ABHD12: variants seen among roughly 807,000 people sequenced by gnomAD.
ABHD12 encodes abhydrolase domain containing 12, lysophospholipase.
Under a neutral mutation model 58.3 loss-of-function variants are expected in ABHD12, and 43 were observed. The observed-to-expected ratio is 0.74, with a 90% confidence interval of 0.58 to 0.95. ABHD12 has a LOEUF of 0.95. Among genes scored for constraint, ABHD12 ranks in the 40% least tolerant of loss-of-function variants. The pLI is 0.00. For missense variants in ABHD12, 539 were observed against 537.2 expected, an observed-to-expected ratio of 1.00 and a Z score of -0.03; for synonymous variants, 219 against 211.2, an observed-to-expected ratio of 1.04 and a Z score of -0.32.
At chr20:25,388,619 CT>C (rs2090126279) in intron 1 of ABHD12, among the ~76,000 whole-genome samples, 1 of 152,120 alleles carries the variant, frequency 6.6e-6, no homozygotes, top group South Asian at 2.1e-4. Context: ...CTTTTTACCC[CT>C]AACAGCCTTT....
rs546377204 is a variant in ABHD12 at position 25,353,360 on chromosome 20, C to CA, written c.192-14010dup. ...TATCTGTAAATGAAAGTAAATAACT[C>CA]AAACAAAAAATTTAAAGAATAAGCA... On this transcript the variant is annotated intron_variant, in intron 1 of 12. Coordinates refer to ENST00000339157, the MANE Select transcript of ABHD12 (RefSeq NM_001042472.3). Among the ~76,000 whole-genome samples, 4 of 151,378 alleles carry CA rather than the reference C, an allele frequency of 2.6e-5. No homozygotes were observed. In the South Asian group the frequency reaches 8.3e-4, roughly 32 times the overall value.
intron 3 of ABHD12, among the ~76,000 whole-genome samples, chr20:25,322,381 A>ATATATATATATATATATTTT: frequency 2.4e-4 from 14 of 59,266 alleles, no homozygotes; most frequent in African/African-American, 9.1e-4. Flanking sequence ...ATATATATAT[A>ATATATATATATATATATTTT]TTTTTTTTTT....
intron 1 of ABHD12, among the ~76,000 whole-genome samples, chr20:25,386,056 G>A (rs1317042603): frequency 1.3e-5 from 2 of 151,564 alleles, no homozygotes; most frequent in Admixed American, 6.6e-5. Context: ...AGCCAAGATC[G>A]CGCCACTGCA....
In ABHD12 at chr20:25,324,086, A is replaced by G. The variant is rs540155946; in HGVS notation, c.317-656T>C. 2.6e-4 allele frequency among the ~76,000 whole-genome samples: 40 copies of G among 152,318 alleles called. 1 individual carries two copies. In the East Asian group the frequency reaches 7.3e-3, roughly 28 times the overall value. ...TGCAATGGCCCAGCAGAAGTCCTGCATCTACCAGGTCATCTGCCAGCAGGA... is the reference window on the plus strand; with the variant it reads ...TGCAATGGCCCAGCAGAAGTCCTGCGTCTACCAGGTCATCTGCCAGCAGGA... On this transcript the variant is annotated intron_variant, in intron 2 of 12. Transcript: ENST00000339157.
intron 1 of ABHD12, among the ~76,000 whole-genome samples, chr20:25,367,364 CAT>C (rs2089836951): frequency 1.3e-5 from 2 of 152,296 alleles, no homozygotes; most frequent in South Asian, 4.1e-4. Context: ...GAATTTGCCA[CAT>C]ATACTTCAGC....
intron 1 of ABHD12, among the ~76,000 whole-genome samples, chr20:25,353,375 A>G (rs1357736077): frequency 6.6e-6 from 1 of 152,204 alleles, no homozygotes; most frequent in Non-Finnish European, 1.5e-5. Flanking sequence ...AAAAAATTTA[A>G]AGAATAAGCA....
intron 1 of ABHD12, among the ~76,000 whole-genome samples, chr20:25,373,593 A>T (rs1034791213): frequency 6.6e-6 from 1 of 151,652 alleles, no homozygotes; most frequent in South Asian, 2.1e-4. Context: ...CTGAATTCTT[A>T]CTTACTTTTC....
intron 1 of ABHD12, among the ~76,000 whole-genome samples, chr20:25,388,507 C>G (rs2090124796): frequency 6.6e-6 from 1 of 152,138 alleles, no homozygotes; most frequent in South Asian, 2.1e-4. Flanking sequence ...GATGGTGGCG[C>G]AGAGCCTGAG....
chr20:25,390,746 T>TCC lies in ABHD12; in HGVS notation c.-44_-43insGG, dbSNP rs1555828016. 7 of 1,223,320 alleles carry TCC rather than the reference T, an allele frequency of 5.7e-6. No individual in the cohort carries two copies. Among genetic ancestry groups the TCC allele is most frequent in the South Asian group, 2.8e-5 (1 of 36,304 alleles). The allele number at this position is 1,223,320 out of a possible 1,614,324, so 75.8% of individuals were successfully genotyped here. ...CAGCCGCCGACGGCGCCCGCTGGCC[T>TCC]GCGCCGCAGTGCCGCCGCTCACAGC... On this transcript the variant is annotated 5_prime_UTR_variant, in exon 1 of 13. Transcript: ENST00000339157.
At chr20:25,331,343 A>G (rs987133716) in intron 2 of ABHD12, among the ~76,000 whole-genome samples, 9 of 152,356 alleles carry the variant, frequency 5.9e-5, no homozygotes, top group African/African-American at 2.2e-4. Context: ...TGTACCTGAA[A>G]GTGACGGGGA....
chr20:25,317,113 C>T (rs769043581), intron 4 of ABHD12, 35 bp from the exon 5 acceptor site: 12 of 1,584,816 alleles, frequency 7.6e-6, no homozygotes, highest in Non-Finnish European at 8.7e-7. Context: ...GTGAGCACAT[C>T]TTCTCAGAGT....
downstream of ABHD12, among the ~76,000 whole-genome samples, chr20:25,298,305 G>C (rs1209935055): frequency 6.6e-6 from 1 of 151,974 alleles, no homozygotes; most frequent in African/African-American, 2.4e-5. Flanking sequence ...TGCTTTTGTT[G>C]CCCAGGCTGG....
Position 25,300,386 on chromosome 20 carries a change from G to C in ABHD12, c.*459C>G. The C allele has an allele frequency of 8.9e-7, 1 of 1,123,312 alleles. No homozygotes were observed. Among genetic ancestry groups the C allele is most frequent in the South Asian group, 2.3e-5 (1 of 44,354 alleles). The allele number at this position is 1,123,312 out of a possible 1,614,324, so 69.6% of individuals were successfully genotyped here. A position where few individuals can be genotyped will look rare whatever the true frequency, so the allele number is the denominator to read the frequency against. ...AGGCAAGCAGGTACACAGGGCAGGA[G>C]GGGACGATGGAACCACTGGAGTCAT... On this transcript the variant is annotated 3_prime_UTR_variant, in exon 13 of 13. Coordinates refer to ENST00000339157, the MANE Select transcript of ABHD12 (RefSeq NM_001042472.3).
chr20:25,355,434 C>G (rs2089654188), intron 1 of ABHD12, among the ~76,000 whole-genome samples: 1 of 151,998 alleles, frequency 6.6e-6, no homozygotes, highest in Admixed American at 6.6e-5. Flanking sequence ...CCACTTCCCC[C>G]TTTTTGTTTT....
intron 3 of ABHD12, 59 bp from the exon 4 acceptor site, chr20:25,320,377 C>T (rs948066139): frequency 5.7e-5 from 91 of 1,605,420 alleles, no homozygotes; most frequent in Admixed American, 4.7e-4. Context: ...CTCATCCTGG[C>T]GACTGCACGT....
In ABHD12 at chr20:25,363,368, G is replaced by A. The variant is rs933632941; in HGVS notation, c.192-24017C>T. Among the ~76,000 whole-genome samples, 6 of 151,522 alleles carry A rather than the reference G, an allele frequency of 4.0e-5. No homozygotes were observed. The East Asian group carries it at 5.9e-4, about 15-fold the overall frequency. ...CGAGTAGCTGGTATTACAGGTACACGCACCCACGCCCAGCTAATTTTTGTA... is the reference window on the plus strand; with the variant it reads ...CGAGTAGCTGGTATTACAGGTACACACACCCACGCCCAGCTAATTTTTGTA... On this transcript the variant is annotated intron_variant, in intron 1 of 12. Coordinates refer to ENST00000339157, the MANE Select transcript of ABHD12 (RefSeq NM_001042472.3).
chr20:25,378,582 T>A (rs192071300), intron 1 of ABHD12, among the ~76,000 whole-genome samples: 51 of 152,272 alleles, frequency 3.3e-4, no homozygotes, highest in Admixed American at 3.3e-3. Context: ...CACATCAAAA[T>A]GACCGGCATT....
chr20:25,302,093 A>G lies in ABHD12; in HGVS notation c.1157+126T>C, dbSNP rs1394503228. 2.1e-6 allele frequency: 3 copies of G among 1,398,510 alleles called. No individual in the cohort carries two copies. In the African/African-American group the frequency reaches 4.3e-5, roughly 20 times the overall value. The allele number at this position is 1,398,510 out of a possible 1,614,324, so 86.6% of individuals were successfully genotyped here. On this transcript the variant is annotated intron_variant, in intron 12 of 12. Transcript: ENST00000339157. ...TCTGCCAAGGAAATGGAAGGCTCCC[A>G]AATCACTGTGACTCTTGGCCCCACT...
intron 1 of ABHD12, among the ~76,000 whole-genome samples, chr20:25,370,767 G>A (rs2089890235): frequency 6.6e-6 from 1 of 152,000 alleles, no homozygotes. Context: ...ATTCACACAC[G>A]TAAAGCGCTT....
Sources: allele counts gnomAD v4.1 joint callset (sites outside exome capture counted in the v4.1 genomes callset), GRCh38; gene constraint gnomAD v4.1.1; transcripts MANE v1.5; gene names NCBI Gene and HGNC (gene_info 2026-07-23, HGNC 2026-07-21).